MYO18B: variants seen among roughly 807,000 people sequenced by gnomAD.
MYO18B encodes the protein unconventional myosin-XVIIIb.
A neutral mutation model predicts 273.0 loss-of-function variants in MYO18B; 204 were observed. The observed-to-expected ratio is 0.75, with a 90% confidence interval of 0.67 to 0.84. The LOEUF (loss-of-function observed/expected upper bound fraction) is 0.84, where lower values mean the gene tolerates loss of function less well. Ranked by LOEUF, MYO18B falls within the 40% of genes least tolerant of loss-of-function variation. MYO18B has a pLI of 0.00. For missense variants in MYO18B, 3,212 were observed against 3,287.6 expected, an observed-to-expected ratio of 0.98 and a Z score of 0.56; for synonymous variants, 1,330 against 1,305.7, an observed-to-expected ratio of 1.02 and a Z score of -0.40.
chr22:25,881,109 GAT>G (rs1356012641), intron 25 of MYO18B, among the ~76,000 whole-genome samples: 1 of 152,248 alleles, frequency 6.6e-6, no homozygotes, highest in Non-Finnish European at 1.5e-5. Context: ...TTCCCATGTT[GAT>G]AACCCAAGTT....
intron 12 of MYO18B, 45 bp downstream of exon 12, chr22:25,798,142 T>C: frequency 6.4e-7 from 1 of 1,553,296 alleles, no homozygotes; most frequent in South Asian, 1.2e-5. Context: ...AGCTGTCTCC[T>C]TTGGCAGGTG....
intron 12 of MYO18B, among the ~76,000 whole-genome samples, chr22:25,814,757 G>T (rs2088929093): frequency 6.6e-6 from 1 of 152,166 alleles, no homozygotes; most frequent in Non-Finnish European, 1.5e-5. Flanking sequence ...GATGATGATG[G>T]AATGAATTGT....
intron 1 of MYO18B, among the ~76,000 whole-genome samples, chr22:25,757,691 G>T (rs894904028): frequency 2.0e-5 from 3 of 152,146 alleles, no homozygotes; most frequent in African/African-American, 7.2e-5. Flanking sequence ...GAAGCACATT[G>T]CTCAGAGGGC....
chr22:25,837,813 C>T (rs897945590), intron 17 of MYO18B, among the ~76,000 whole-genome samples: 16 of 152,346 alleles, frequency 1.1e-4, no homozygotes, highest in Admixed American at 3.9e-4. Flanking sequence ...GCTGACTTCT[C>T]TGCCCATCAT....
At chr22:25,828,695 C>A in intron 14 of MYO18B, 81 bp from the exon 15 acceptor site, 1 of 1,405,162 alleles carries the variant, frequency 7.1e-7, no homozygotes, top group Non-Finnish European at 9.8e-7. Flanking sequence ...GTTTTGAAAC[C>A]AGTTCTGCTG....
chr22:25,891,475 C>T (rs1022981066), intron 27 of MYO18B, 63 bp downstream of exon 27: 29 of 1,150,418 alleles, frequency 2.5e-5, no homozygotes, highest in Middle Eastern at 2.1e-4. Context: ...CCCATTTATT[C>T]AGTCACTCAT....
At chr22:25,763,410 A>G (rs973190516) in intron 3 of MYO18B, 21 bp downstream of exon 3, 2 of 1,600,480 alleles carry the variant, frequency 1.2e-6, no homozygotes, top group Non-Finnish European at 1.7e-6. Context: ...CCTAAGAAGG[A>G]GGACCGTATG....
intron 42 of MYO18B, among the ~76,000 whole-genome samples, chr22:26,022,376 C>G (rs1935896561): frequency 6.6e-6 from 1 of 152,196 alleles, no homozygotes; most frequent in East Asian, 1.9e-4. Flanking sequence ...CAGCCTCACT[C>G]AGCAGAACTT....
intron 21 of MYO18B, among the ~76,000 whole-genome samples, chr22:25,863,710 C>T (rs894394478): frequency 1.3e-5 from 2 of 152,196 alleles, no homozygotes; most frequent in South Asian, 2.1e-4. Flanking sequence ...ATGTACTCAG[C>T]ATTCAGGCAG....
At chr22:25,973,932 T>C (rs1375630844) in intron 39 of MYO18B, among the ~76,000 whole-genome samples, 1 of 152,246 alleles carries the variant, frequency 6.6e-6, no homozygotes, top group Non-Finnish European at 1.5e-5. Context: ...CATACTCATC[T>C]GAGCCTCATT....
At chr22:26,052,948 G>T in the MYO18B span, among the ~76,000 whole-genome samples, 1 of 151,658 alleles carries the variant, frequency 6.6e-6, no homozygotes, top group Non-Finnish European at 1.5e-5. Flanking sequence ...GACTACAGGC[G>T]CCTGCCACCA....
At chr22:26,010,719 T>C (rs1173361299) in intron 42 of MYO18B, among the ~76,000 whole-genome samples, 1 of 152,132 alleles carries the variant, frequency 6.6e-6, no homozygotes, top group African/African-American at 2.4e-5. Flanking sequence ...GCCAAAGGCA[T>C]GGATGCTGAC....
intron 34 of MYO18B, among the ~76,000 whole-genome samples, chr22:25,921,847 TG>T (rs2092352204): frequency 1.4e-5 from 2 of 138,708 alleles, no homozygotes; most frequent in African/African-American, 5.3e-5. Context: ...TGTGTGTGTG[TG>T]TGTGTGTGGT....
downstream of MYO18B, among the ~76,000 whole-genome samples, chr22:26,033,814 T>A (rs1397035217): frequency 9.0e-6 from 1 of 110,844 alleles, no homozygotes; most frequent in Non-Finnish European, 1.7e-5. Context: ...CCTTTCTTTT[T>A]CTCTTCCTCC....
At chr22:25,967,372 T>TA (rs1240964887) in intron 39 of MYO18B, among the ~76,000 whole-genome samples, 1 of 152,220 alleles carries the variant, frequency 6.6e-6, no homozygotes, top group Non-Finnish European at 1.5e-5. Flanking sequence ...TGATCATTGT[T>TA]ACGATTTGAC....
At chr22:25,870,396 G>T (rs1285001233) in intron 22 of MYO18B, among the ~76,000 whole-genome samples, 1 of 152,212 alleles carries the variant, frequency 6.6e-6, no homozygotes, top group Non-Finnish European at 1.5e-5. Context: ...ACTGAATACT[G>T]TAGGCAGTTG....
chr22:25,835,408 G>A lies in MYO18B; in HGVS notation c.3173G>A (p.Cys1058Tyr), dbSNP rs777560365. Residue 1058 changes from cysteine (C) to tyrosine (Y), a missense_variant, in exon 17 of 44, where the codon TGT (cysteine) becomes TAT (tyrosine). Cys to Tyr is a radical substitution (Grantham distance 194). Coordinates refer to ENST00000335473, the MANE Select transcript of MYO18B (RefSeq NM_032608.7). ...GACAGTGTGGTGCTCGAGCGTCTGT[G>A]TGCTGCTTTCGAGAAGAAAGGAGCT... ...SSDSVVLERLCAAFEKKGAGT... is the reference protein window; with the variant it reads ...SSDSVVLERLYAAFEKKGAGT... 6.2e-7 allele frequency: 1 copy of A among 1,613,996 alleles called. No homozygotes were observed. The highest frequency in any genetic ancestry group is 1.1e-5 in the South Asian group (1 of 91,080).
chr22:25,788,512 C>T (rs1361062574), intron 11 of MYO18B, among the ~76,000 whole-genome samples: 3 of 152,094 alleles, frequency 2.0e-5, no homozygotes, highest in African/African-American at 4.8e-5. Context: ...GAGGAGTGGA[C>T]CACAAGCTGG....
In MYO18B at chr22:25,826,387, C is replaced by T. The variant is rs73168990; in HGVS notation, c.2696-22C>T. On this transcript the variant is annotated intron_variant, in intron 13 of 43. Transcript: ENST00000335473. ...CAGGCAAGATCCCTAACCAAGAATG[C>T]TGATTCTGTCCTCTTTCCCAGGGCT... 5,381 of 1,596,114 alleles carry T rather than the reference C, an allele frequency of 3.4e-3. 18 individuals are homozygous for T. The highest frequency in any genetic ancestry group is 4.2e-3 in the Non-Finnish European group (4,855 of 1,169,184).
Sources: gnomAD v4.1 joint callset for allele counts (sites outside exome capture counted in the v4.1 genomes callset) on GRCh38, gnomAD v4.1.1 for gene constraint, MANE v1.5 for transcripts, NCBI Gene and HGNC (gene_info 2026-07-23, HGNC 2026-07-21) for gene names.